Variants in SLCO5A1 observed in about 807,000 individuals in gnomAD.
SLCO5A1 encodes the protein solute carrier organic anion transporter family member 5A1, also known as organic anion transporter polypeptide-related protein 4.
Under a neutral mutation model 65.1 loss-of-function variants are expected in SLCO5A1, and 39 were observed. The ratio of observed to expected loss-of-function variants is 0.60; its 90% CI spans 0.46 to 0.78. SLCO5A1 has a LOEUF of 0.78. SLCO5A1 is among the 30% of genes least tolerant of loss of function. The pLI, the probability that SLCO5A1 is intolerant of heterozygous loss-of-function variation, is 0.00. For synonymous variants in SLCO5A1, 438 were observed against 415.7 expected (o/e 1.05, Z -0.65); for missense variants, 1,029 against 1,069.4 (o/e 0.96, Z 0.53).
At chr8:69,754,875 C>A (rs1817476253) in intron 4 of SLCO5A1, among the ~76,000 whole-genome samples, 1 of 152,144 alleles carries the variant, frequency 6.6e-6, no homozygotes, top group South Asian at 2.1e-4. Flanking sequence ...GGGCCACATG[C>A]AAGCATTTGA....
intron 2 of SLCO5A1, among the ~76,000 whole-genome samples, chr8:69,811,524 A>G (rs927258179): frequency 1.3e-5 from 2 of 152,162 alleles, no homozygotes; most frequent in Non-Finnish European, 2.9e-5. Flanking sequence ...CTCTGGTGTA[A>G]TGAAGCCCAC....
intron 2 of SLCO5A1, chr8:69,794,641 G>A (rs2130895956): frequency 3.1e-6 from 1 of 319,750 alleles, no homozygotes; most frequent in South Asian, 2.9e-5. Flanking sequence ...TTTCAGGGCT[G>A]TTTTTAGGAC....
intron 2 of SLCO5A1, among the ~76,000 whole-genome samples, chr8:69,800,617 T>C (rs201132316): frequency 6.6e-6 from 1 of 152,206 alleles, no homozygotes; most frequent in South Asian, 2.1e-4. Context: ...TCTCAACTTA[T>C]TGAATCCAGT....
chr8:69,780,081 C>A (rs914773980), intron 2 of SLCO5A1, among the ~76,000 whole-genome samples: 1 of 151,936 alleles, frequency 6.6e-6, no homozygotes, highest in African/African-American at 2.4e-5. Context: ...CAGAGAAATG[C>A]AATTTAAAAC....
At chr8:69,811,972 G>A (rs1438816304) in intron 2 of SLCO5A1, among the ~76,000 whole-genome samples, 1 of 152,204 alleles carries the variant, frequency 6.6e-6, no homozygotes, top group African/African-American at 2.4e-5. Flanking sequence ...GCTAGCATCT[G>A]GATCTAGGCC....
chr8:69,802,354 G>A (rs142252582), intron 2 of SLCO5A1, among the ~76,000 whole-genome samples: 13 of 151,228 alleles, frequency 8.6e-5, no homozygotes, highest in African/African-American at 1.9e-4. Context: ...ATAATGAACC[G>A]AATTAGCCAG....
At chr8:69,736,122 G>T (rs143677957) in intron 5 of SLCO5A1, among the ~76,000 whole-genome samples, 2 of 152,322 alleles carry the variant, frequency 1.3e-5, no homozygotes, top group East Asian at 1.9e-4. Flanking sequence ...TTGAGATATT[G>T]CTTCTTTAAC....
intron 3 of SLCO5A1, 35 bp from the exon 4 acceptor site, chr8:69,755,676 C>T: frequency 6.4e-7 from 1 of 1,556,714 alleles, no homozygotes; most frequent in Non-Finnish European, 8.7e-7. Flanking sequence ...GCATTTACGT[C>T]TTTTCTTTTG....
At chr8:69,704,096 C>T (rs1334389265) in intron 6 of SLCO5A1, among the ~76,000 whole-genome samples, 1 of 151,672 alleles carries the variant, frequency 6.6e-6, no homozygotes, top group Non-Finnish European at 1.5e-5. Context: ...AAATGGGTTA[C>T]CACTATGTTG....
chr8:69,753,362 G>A (rs528691393), intron 4 of SLCO5A1, among the ~76,000 whole-genome samples: 2 of 152,246 alleles, frequency 1.3e-5, no homozygotes, highest in African/African-American at 4.8e-5. Flanking sequence ...CCTGAAAACC[G>A]CCTCAAGCAG....
At chr8:69,798,038 C>G (rs141713799) in intron 2 of SLCO5A1, among the ~76,000 whole-genome samples, 3,510 of 152,190 alleles carry the variant, frequency 0.023, 63 homozygotes, top group African/African-American at 0.029. Context: ...GGACACCCAG[C>G]TTTAAAATTT....
rs116041787 is a variant in SLCO5A1, at chr8:69,801,975, C to G, written c.907+29792G>C. ...CCTCAAGCTTTATTATTTGGAACAG[C>G]CTATTTTATTTCTCTGCTCCTCAGT... On this transcript the variant is annotated intron_variant, in intron 2 of 9. Coordinates refer to ENST00000260126, the MANE Select transcript of SLCO5A1 (RefSeq NM_030958.3). 8.4e-3 allele frequency among the ~76,000 whole-genome samples: 1,279 copies of G among 152,276 alleles called. 13 individuals are homozygous for G. The highest frequency in any genetic ancestry group is 0.029 in the African/African-American group (1,222 of 41,558).
chr8:69,772,614 GA>G (rs1818373749), intron 2 of SLCO5A1, among the ~76,000 whole-genome samples: 1 of 148,624 alleles, frequency 6.7e-6, no homozygotes, highest in South Asian at 2.2e-4. Context: ...GAAAGGAAAG[GA>G]AAGGAAAGGA....
chr8:69,727,352 G>A (rs146173899), intron 5 of SLCO5A1, among the ~76,000 whole-genome samples: 2 of 152,306 alleles, frequency 1.3e-5, no homozygotes, highest in Non-Finnish European at 2.9e-5. Context: ...GTCTTACCTA[G>A]TACATGAAAG....
At chr8:69,719,666 A>G (rs1439342402) in intron 5 of SLCO5A1, 1 of 152,194 alleles carries the variant, frequency 6.6e-6, no homozygotes. Context: ...TACCCTCCTC[A>G]TATTTTGTAG....
chr8:69,722,876 G>A (rs757478946), intron 5 of SLCO5A1, among the ~76,000 whole-genome samples: 13 of 151,494 alleles, frequency 8.6e-5, no homozygotes, highest in South Asian at 2.1e-4. Context: ...ACATACATAC[G>A]CATCAATGAA....
intron 2 of SLCO5A1, among the ~76,000 whole-genome samples, chr8:69,790,851 A>G (rs989662888): frequency 5.9e-5 from 9 of 152,188 alleles, no homozygotes; most frequent in Non-Finnish European, 1.3e-4. Context: ...CATCATAAAC[A>G]CAACTGCTGC....
At chr8:69,757,705 G>C (rs1165700092) in intron 3 of SLCO5A1, among the ~76,000 whole-genome samples, 5 of 151,990 alleles carry the variant, frequency 3.3e-5, no homozygotes, top group African/African-American at 1.2e-4. Flanking sequence ...AACTAAAAAG[G>C]TCATCTGTCT....
At chr8:69,796,642 A>C (rs1389736700) in intron 2 of SLCO5A1, among the ~76,000 whole-genome samples, 1 of 147,362 alleles carries the variant, frequency 6.8e-6, no homozygotes, top group Non-Finnish European at 1.5e-5. Context: ...ATATATATAC[A>C]CACACACATA....
Sources: gnomAD v4.1 joint callset for allele counts (sites outside exome capture counted in the v4.1 genomes callset) on GRCh38, gnomAD v4.1.1 for gene constraint, MANE v1.5 for transcripts, NCBI Gene and HGNC (gene_info 2026-07-23, HGNC 2026-07-21) for gene names.